Variants in PCDH15 observed in about 807,000 individuals in gnomAD.
PCDH15 encodes the protein protocadherin related 15.
In PCDH15, 129 loss-of-function variants were observed where a neutral mutation model predicts 178.5. The ratio of observed to expected loss-of-function variants is 0.72; its 90% confidence interval spans 0.63 to 0.84. PCDH15 has a LOEUF of 0.84. Ranked by LOEUF, PCDH15 falls within the 40% of genes least tolerant of loss-of-function variation. The pLI is 0.00. For synonymous variants in PCDH15, 800 were observed against 732.0 expected (o/e 1.09, Z -1.50); for missense variants, 2,230 against 2,099.9 (o/e 1.06, Z -1.21).
chr10:53,821,392 A>C (rs1013801258), intron 32 of PCDH15: 2 of 995,220 alleles, frequency 2.0e-6, no homozygotes, highest in Admixed American at 5.5e-5. Flanking sequence ...TCTTCTTACC[A>C]AATACATAGG....
intron 3 of PCDH15, among the ~76,000 whole-genome samples, chr10:54,480,734 T>G (rs2078657420): frequency 6.6e-6 from 1 of 151,978 alleles, no homozygotes; most frequent in African/African-American, 2.4e-5. Context: ...AGCTACAAAT[T>G]TCTTTCTTAA....
chr10:54,508,946 C>T (rs2137675828), intron 3 of PCDH15, among the ~76,000 whole-genome samples: 1 of 152,120 alleles, frequency 6.6e-6, no homozygotes, highest in African/African-American at 2.4e-5. Flanking sequence ...ATTTACATTT[C>T]ACGTATACAC....
At chr10:54,019,632 T>C (rs369836741) in intron 20 of PCDH15, among the ~76,000 whole-genome samples, 2 of 152,248 alleles carry the variant, frequency 1.3e-5, no homozygotes, top group East Asian at 1.9e-4. Flanking sequence ...CAGGCAATCA[T>C]CTGGCACATG....
intron 20 of PCDH15, among the ~76,000 whole-genome samples, chr10:54,012,147 T>C (rs1473046526): frequency 2.6e-5 from 4 of 152,044 alleles, no homozygotes; most frequent in African/African-American, 7.2e-5. Context: ...TATATTGTGA[T>C]TGCATTAACA....
At chr10:55,600,878 A>T (rs998188845) in intron 2 of PCDH15, among the ~76,000 whole-genome samples, 11 of 151,856 alleles carry the variant, frequency 7.2e-5, no homozygotes, top group South Asian at 2.1e-4. Context: ...TTTTTAAATT[A>T]ATTTATTTAT....
chr10:55,005,757 G>T (rs1366434415), intron 2 of PCDH15, among the ~76,000 whole-genome samples: 1 of 151,668 alleles, frequency 6.6e-6, no homozygotes, highest in Non-Finnish European at 1.5e-5. Context: ...CCATAATGAT[G>T]TAATAACAAA....
chr10:54,194,004 G>C (rs967934423), intron 11 of PCDH15, among the ~76,000 whole-genome samples: 7 of 146,306 alleles, frequency 4.8e-5, no homozygotes, highest in African/African-American at 1.5e-4. Flanking sequence ...CTCAATGACA[G>C]ATATTGTTAA....
intron 1 of PCDH15, among the ~76,000 whole-genome samples, chr10:54,766,175 T>C (rs1948490635): frequency 6.6e-6 from 1 of 152,146 alleles, no homozygotes; most frequent in South Asian, 2.1e-4. Context: ...CGTTTAAATT[T>C]CTATTGCCAG....
In PCDH15 at chr10:55,612,021, G is replaced by C. The variant is rs534449471; in HGVS notation, c.-156+15604C>G. Among the ~76,000 whole-genome samples, 11 of 152,158 alleles carry C rather than the reference G, an allele frequency of 7.2e-5. No individual in the cohort carries two copies. In the South Asian group the frequency reaches 2.3e-3, roughly 32 times the overall value. On this transcript the variant is annotated intron_variant, in intron 2 of 5. Transcript: ENST00000613346. ...ATGATGGTTACCAGAGGCTGGAGGA[G>C]GCGGGATAGACAGAAAAAGAAGATG...
chr10:54,525,173 G>C (rs1166088405), intron 3 of PCDH15, among the ~76,000 whole-genome samples: 1 of 152,184 alleles, frequency 6.6e-6, no homozygotes, highest in Non-Finnish European at 1.5e-5. Context: ...GAGCTATTTA[G>C]ATGCTTTGCT....
Position 53,808,809 on chromosome 10 carries a change from G to A in PCDH15, c.4672-1679C>T, listed in dbSNP as rs1309791941. 2.9e-5 allele frequency: 47 copies of A among 1,610,686 alleles called. 1 individual carries two copies. The highest frequency in any genetic ancestry group is 1.0e-4 in the South Asian group (9 of 90,100). Reference sequence around the variant, plus strand: ...CCCATGGACCTCCAGACTGACTTTCGCTACTACTGCTACTACTACCTGATT... The same window carrying A: ...CCCATGGACCTCCAGACTGACTTTCACTACTACTGCTACTACTACCTGATT... On this transcript the variant is annotated intron_variant, in intron 37 of 37. Transcript: ENST00000644397.
intron 2 of PCDH15, among the ~76,000 whole-genome samples, chr10:55,023,747 T>A (rs1840397137): frequency 9.9e-6 from 1 of 101,192 alleles, no homozygotes; most frequent in Non-Finnish European, 2.2e-5. Context: ...GTCTCAAATA[T>A]CCTATATTTG....
intron 1 of PCDH15, among the ~76,000 whole-genome samples, chr10:54,715,334 A>C (rs1331016029): frequency 1.3e-5 from 2 of 152,188 alleles, no homozygotes; most frequent in African/African-American, 4.8e-5. Context: ...TTATTCCCCC[A>C]AGTGTAGATT....
At chr10:54,217,508 T>G (rs2052229145) in intron 9 of PCDH15, among the ~76,000 whole-genome samples, 1 of 152,168 alleles carries the variant, frequency 6.6e-6, no homozygotes, top group South Asian at 2.1e-4. Flanking sequence ...TTTTCAGTAT[T>G]GAAAGCTGGA....
At chr10:54,469,704 C>T (rs1422578578) in intron 3 of PCDH15, among the ~76,000 whole-genome samples, 1 of 152,060 alleles carries the variant, frequency 6.6e-6, no homozygotes, top group Non-Finnish European at 1.5e-5. Flanking sequence ...GTGTGGCTTG[C>T]TTGGGTGTTG....
At chr10:54,147,230 T>G (rs1389436015) in intron 14 of PCDH15, among the ~76,000 whole-genome samples, 1 of 151,464 alleles carries the variant, frequency 6.6e-6, no homozygotes, top group Non-Finnish European at 1.5e-5. Context: ...GTATATGGAT[T>G]TTATTCTCTG....
At chr10:55,251,302 A>T (rs116172007) in intron 1 of PCDH15, among the ~76,000 whole-genome samples, 2,539 of 152,116 alleles carry the variant, frequency 0.017, 79 homozygotes, top group African/African-American at 0.058. Flanking sequence ...CAGTATAAGG[A>T]TTATTTTTAT....
At chr10:54,387,720 T>C (rs1006108581) in intron 3 of PCDH15, among the ~76,000 whole-genome samples, 5 of 152,164 alleles carry the variant, frequency 3.3e-5, no homozygotes, top group African/African-American at 1.2e-4. Flanking sequence ...CATTATTGCA[T>C]TTCTTCCCTG....
At chr10:54,679,763 A>G (rs965868200) in intron 1 of PCDH15, among the ~76,000 whole-genome samples, 2 of 152,204 alleles carry the variant, frequency 1.3e-5, no homozygotes, top group Non-Finnish European at 2.9e-5. Flanking sequence ...TACCATTAGA[A>G]GTAAAATAAT....
Sources: gnomAD v4.1 joint callset for allele counts (sites outside exome capture counted in the v4.1 genomes callset) on GRCh38, gnomAD v4.1.1 for gene constraint, MANE v1.5 for transcripts, NCBI Gene and HGNC (gene_info 2026-07-23, HGNC 2026-07-21) for gene names.